Variants in USP15 observed in about 807,000 individuals in gnomAD.
USP15 encodes the protein ubiquitin carboxyl-terminal hydrolase 15.
Under a neutral mutation model 127.1 loss-of-function variants are expected in USP15, and 18 were observed. That is an observed-to-expected ratio of 0.14 (90% confidence interval 0.10 to 0.21). USP15 has a LOEUF of 0.21. Ranked by LOEUF, USP15 falls within the 10% of genes least tolerant of loss-of-function variation. The pLI is 1.00. For missense variants in USP15, 805 were observed against 1,159.9 expected, an observed-to-expected ratio of 0.69 and a Z score of 4.44; for synonymous variants, 364 against 393.7, an observed-to-expected ratio of 0.92 and a Z score of 0.89.
rs923250199 is a variant in USP15 at position 62,415,289 on chromosome 12, G to C, written c.*10914G>C. On this transcript the variant is annotated 3_prime_UTR_variant, in exon 22 of 22. Transcript: ENST00000280377. The stretch of plus-strand genomic sequence containing the variant: ...CAGGCAAGAGAAATTATCCTTACTT[G>C]AGCCTTTTTTGTTCTATTCAGGCCT... The C allele has an allele frequency of 1.3e-5, 2 of 152,174 alleles. No individual in the cohort carries two copies. Among genetic ancestry groups the C allele is most frequent in the African/African-American group, 4.8e-5 (2 of 41,432 alleles). The allele number at this position is 152,174 out of a possible 1,614,324, so 9.4% of individuals were successfully genotyped here.
chr12:62,398,820 A>G (rs2067582554), intron 20 of USP15, among the ~76,000 whole-genome samples: 3 of 152,134 alleles, frequency 2.0e-5, no homozygotes, highest in African/African-American at 7.2e-5. Flanking sequence ...ATCCCTGGTT[A>G]TTTTTTGTGT....
rs889044129 is a variant in USP15, at chr12:62,335,196, A to G, written c.683+9263A>G. Reference sequence around the variant, plus strand: ...CACTAGAGCAGAGTTGCTAGTGAACAGTTTAATTTCCACATACGTCACAGA... The same window carrying G: ...CACTAGAGCAGAGTTGCTAGTGAACGGTTTAATTTCCACATACGTCACAGA... On this transcript the variant is annotated intron_variant, in intron 6 of 21. Coordinates refer to ENST00000280377, the MANE Select transcript of USP15 (RefSeq NM_001252078.2). The G allele has an allele frequency of 2.6e-6, 4 of 1,535,550 alleles. No individual in the cohort carries two copies. The African/African-American group carries it at 4.1e-5, about 16-fold the overall frequency.
chr12:62,399,007 T>C (rs900576039), intron 20 of USP15, among the ~76,000 whole-genome samples: 1 of 150,624 alleles, frequency 6.6e-6, no homozygotes, highest in Non-Finnish European at 1.5e-5. Flanking sequence ...TCTTTGCCCC[T>C]TTTTTTTTAG....
chr12:62,349,209 AT>A lies in USP15; in HGVS notation c.684-11del. Reference sequence around the variant, plus strand: ...TTTTTTTATCTAATTTAACATTTTCATATTTTTAAAGGTCCCCAGGTGCATC... The same window carrying A: ...TTTTTTTATCTAATTTAACATTTTCAATTTTTAAAGGTCCCCAGGTGCATC... On this transcript the variant is annotated splice_polypyrimidine_tract_variant and intron_variant, in intron 6 of 21. Coordinates refer to ENST00000280377, the MANE Select transcript of USP15 (RefSeq NM_001252078.2). 3 of 1,412,252 alleles carry A rather than the reference AT, an allele frequency of 2.1e-6. No individual in the cohort carries two copies. The highest frequency in any genetic ancestry group is 2.8e-6 in the Non-Finnish European group (3 of 1,073,786). 87.5% of individuals were successfully genotyped at this position (1,412,252 alleles called of 1,614,324 possible). A position where few individuals can be genotyped will look rare whatever the true frequency, so the allele number is the denominator to read the frequency against.
At chr12:62,354,815 A>G (rs2066069112) in intron 7 of USP15, among the ~76,000 whole-genome samples, 1 of 151,984 alleles carries the variant, frequency 6.6e-6, no homozygotes, top group Admixed American at 6.6e-5. Context: ...CTGGTCTCGC[A>G]TAGAAACTAT....
intron 7 of USP15, 83 bp downstream of exon 7, chr12:62,349,390 G>A: frequency 1.1e-6 from 1 of 912,190 alleles, no homozygotes; most frequent in Non-Finnish European, 1.5e-6. Context: ...TAAAATTTAG[G>A]ATAAAAGTCT....
rs918505484 is a variant in USP15, at chr12:62,413,143, TGAAAG to T, written c.*8772_*8776del. 1.3e-5 allele frequency: 2 copies of T among 152,218 alleles called. No individual in the cohort carries two copies. Among genetic ancestry groups the T allele is most frequent in the African/African-American group, 2.4e-5 (1 of 41,464 alleles). The allele number at this position is 152,218 out of a possible 1,614,324, so 9.4% of individuals were successfully genotyped here. A position where few individuals can be genotyped will look rare whatever the true frequency, so the allele number is the denominator to read the frequency against. ...CACTTGTCAATGAGCAGTAATATTT[TGAAAG>T]GAATCTTTTTCTGAGCAATAGATCT... On this transcript the variant is annotated 3_prime_UTR_variant, in exon 22 of 22. Transcript: ENST00000280377.
At position 62,415,732 on chromosome 12, in the gene USP15, A is replaced by T. The variant is rs1288909499; in HGVS notation, c.*11357A>T. 1.3e-5 allele frequency: 2 copies of T among 152,178 alleles called. No homozygotes were observed. The highest frequency in any genetic ancestry group is 4.1e-4 in the South Asian group (2 of 4,834). 9.4% of individuals were successfully genotyped at this position (152,178 alleles called of 1,614,324 possible). A position where few individuals can be genotyped will look rare whatever the true frequency, so the allele number is the denominator to read the frequency against. On this transcript the variant is annotated 3_prime_UTR_variant, in exon 22 of 22. Coordinates refer to ENST00000280377, the MANE Select transcript of USP15 (RefSeq NM_001252078.2). Reference sequence around the variant, plus strand: ...TCTCAGAATATACAGTTTGCTTGTGATGGAGGGCTATTAATATTTATAAGG... The same window carrying T: ...TCTCAGAATATACAGTTTGCTTGTGTTGGAGGGCTATTAATATTTATAAGG...
chr12:62,281,450 C>T (rs1264787295), intron 1 of USP15, among the ~76,000 whole-genome samples: 1 of 152,158 alleles, frequency 6.6e-6, no homozygotes, highest in Non-Finnish European at 1.5e-5. Flanking sequence ...AATTCTTGTG[C>T]CTCAGCCTCC....
chr12:62,298,535 G>A (rs769226630), intron 2 of USP15, among the ~76,000 whole-genome samples: 11 of 151,984 alleles, frequency 7.2e-5, no homozygotes, highest in Admixed American at 2.0e-4. Flanking sequence ...GTGTGGTGGC[G>A]CGCACTTGTA....
At chr12:62,314,947 C>T in intron 4 of USP15, 31 bp downstream of exon 4, 1 of 1,516,788 alleles carries the variant, frequency 6.6e-7, no homozygotes, top group Non-Finnish European at 8.8e-7. Flanking sequence ...GTTTTTAATC[C>T]ATTGCTATTA....
chr12:62,302,193 G>A (rs1443058254), intron 2 of USP15, among the ~76,000 whole-genome samples: 1 of 152,110 alleles, frequency 6.6e-6, no homozygotes, highest in Admixed American at 6.5e-5. Flanking sequence ...TTCCTAGCCC[G>A]TGTGTCTTGG....
chr12:62,391,953 C>A lies in USP15; in HGVS notation c.2304+67C>A. On this transcript the variant is annotated intron_variant, in intron 17 of 21. Transcript: ENST00000280377. ...ACTTTATGTGATTACCAGAGATAAT[C>A]ATACTGTTGTGTTACACTCTTTGCT... is the stretch of plus-strand genomic sequence containing the variant. 3 of 1,412,996 alleles carry A rather than the reference C, an allele frequency of 2.1e-6. No individual in the cohort carries two copies. In the South Asian group the frequency reaches 4.0e-5, roughly 19 times the overall value. 87.5% of individuals were successfully genotyped at this position (1,412,996 alleles called of 1,614,324 possible). A position where few individuals can be genotyped will look rare whatever the true frequency, so the allele number is the denominator to read the frequency against.
intron 21 of USP15, among the ~76,000 whole-genome samples, chr12:62,401,913 TA>T (rs2067702363): frequency 1.4e-5 from 1 of 71,388 alleles, no homozygotes; most frequent in Non-Finnish European, 2.8e-5. Context: ...TATATATGTA[TA>T]TATACATATA....
At chr12:62,333,086 A>G (rs1217440414) in intron 6 of USP15, among the ~76,000 whole-genome samples, 2 of 152,222 alleles carry the variant, frequency 1.3e-5, no homozygotes, top group Non-Finnish European at 2.9e-5. Flanking sequence ...AAGCAGCTAA[A>G]TGGATTTGGA....
chr12:62,306,672 A>G (rs1012098616), intron 3 of USP15, among the ~76,000 whole-genome samples: 9 of 152,192 alleles, frequency 5.9e-5, no homozygotes, highest in African/African-American at 2.2e-4. Context: ...TAAAGAAAGG[A>G]TTGTTCAATA....
At position 62,401,215 on chromosome 12, in the gene USP15, T is replaced by C; in HGVS notation, c.2703T>C (p.Asp901=). 6.2e-7 allele frequency: 1 copy of C among 1,611,634 alleles called. No individual in the cohort carries two copies. The highest frequency in any genetic ancestry group is 8.5e-7 in the Non-Finnish European group (1 of 1,178,750). ...CTGCTTTTGCAAAAAATAAAGATGA[T>C]GGAAAATGGTACTATTTTGATGACA... The part of the protein sequence containing the change: ...HYTAFAKNKD[D]GKWYYFDDSS... Residue 901 remains aspartate (D), a synonymous_variant, in exon 21 of 22, where the codon GAT becomes GAC. Coordinates refer to ENST00000280377, the MANE Select transcript of USP15 (RefSeq NM_001252078.2).
At chr12:62,311,544 T>C (rs1166627168) in intron 3 of USP15, among the ~76,000 whole-genome samples, 2 of 151,780 alleles carry the variant, frequency 1.3e-5, no homozygotes, top group African/African-American at 4.8e-5. Context: ...GGTAAAGCAC[T>C]ATATACAAAA....
chr12:62,318,638 A>G (rs1300744445), intron 4 of USP15, among the ~76,000 whole-genome samples: 1 of 152,026 alleles, frequency 6.6e-6, no homozygotes, highest in Non-Finnish European at 1.5e-5. Flanking sequence ...TTTTAAGTTG[A>G]TAGGTCCTGC....
Sources: gnomAD v4.1 joint callset for allele counts (sites outside exome capture counted in the v4.1 genomes callset) on GRCh38, gnomAD v4.1.1 for gene constraint, MANE v1.5 for transcripts, NCBI Gene and HGNC (gene_info 2026-07-23, HGNC 2026-07-21) for gene names.